SNTB2: variants seen among roughly 807,000 people sequenced by gnomAD.
The protein encoded by SNTB2 is beta-2-syntrophin.
Under a neutral mutation model 46.2 loss-of-function variants are expected in SNTB2, and 34 were observed. That is an observed-to-expected ratio of 0.74 (90% CI 0.56 to 0.98). The LOEUF is 0.98. SNTB2 is among the 50% of genes least tolerant of loss of function. SNTB2 has a pLI of 0.00. For synonymous variants in SNTB2, 290 were observed against 312.6 expected, an observed-to-expected ratio of 0.93 and a Z score of 0.76; for missense variants, 603 against 731.4, an observed-to-expected ratio of 0.82 and a Z score of 2.02.
At chr16:69,242,775 A>C (rs576069501) in intron 1 of SNTB2, among the ~76,000 whole-genome samples, 72 of 152,256 alleles carry the variant, frequency 4.7e-4, no homozygotes, top group Admixed American at 1.3e-3. Flanking sequence ...TTATCCCAGC[A>C]CTTTGGGAGG....
chr16:69,273,249 G>A (rs1340687388), intron 4 of SNTB2, among the ~76,000 whole-genome samples: 3 of 152,096 alleles, frequency 2.0e-5, no homozygotes, highest in South Asian at 4.1e-4. Context: ...TAAGAGTAAC[G>A]AAAACTTATG....
intron 2 of SNTB2, among the ~76,000 whole-genome samples, chr16:69,253,898 A>T (rs1187434654): frequency 6.6e-6 from 1 of 152,292 alleles, no homozygotes; most frequent in East Asian, 1.9e-4. Flanking sequence ...GAATTGTATG[A>T]TGTGTAAAGA....
At chr16:69,232,500 GC>G (rs1964516592) in intron 1 of SNTB2, among the ~76,000 whole-genome samples, 1 of 114,418 alleles carries the variant, frequency 8.7e-6, no homozygotes, top group Non-Finnish European at 1.8e-5. Flanking sequence ...CCACGGTGCG[GC>G]CTTTTTTTTT....
intron 1 of SNTB2, among the ~76,000 whole-genome samples, chr16:69,193,128 T>G (rs946028093): frequency 6.6e-6 from 1 of 151,964 alleles, no homozygotes; most frequent in African/African-American, 2.4e-5. Context: ...TGGTTGGTCA[T>G]TCCTGTAATC....
chr16:69,284,965 C>T (rs554657602), intron 5 of SNTB2, among the ~76,000 whole-genome samples: 14 of 152,208 alleles, frequency 9.2e-5, no homozygotes, highest in South Asian at 8.3e-4. Context: ...CAGTATTCAG[C>T]GCAGTAACAT....
At chr16:69,213,451 GA>G (rs1240283862) in intron 1 of SNTB2, among the ~76,000 whole-genome samples, 1 of 151,662 alleles carries the variant, frequency 6.6e-6, no homozygotes, top group Non-Finnish European at 1.5e-5. Flanking sequence ...TATATACTTT[GA>G]AAAAATTTTT....
intron 2 of SNTB2, among the ~76,000 whole-genome samples, chr16:69,249,449 GGAA>G: frequency 6.6e-6 from 1 of 152,314 alleles, no homozygotes; most frequent in South Asian, 2.1e-4. Context: ...AAAGAAGGAA[GGAA>G]GAAGATGATA....
intron 1 of SNTB2, among the ~76,000 whole-genome samples, chr16:69,225,790 C>T (rs996234259): frequency 8.5e-5 from 13 of 152,234 alleles, no homozygotes; most frequent in South Asian, 8.3e-4. Context: ...GTTTTGGAGA[C>T]GGAGTCTCAC....
intron 1 of SNTB2, among the ~76,000 whole-genome samples, chr16:69,192,713 G>A (rs932798911): frequency 2.0e-5 from 3 of 152,074 alleles, no homozygotes; most frequent in Non-Finnish European, 4.4e-5. Context: ...TCTTTCTGAG[G>A]AAAATGCACT....
At chr16:69,206,059 C>T (rs1440580197) in intron 1 of SNTB2, among the ~76,000 whole-genome samples, 2 of 152,120 alleles carry the variant, frequency 1.3e-5, no homozygotes, top group African/African-American at 2.4e-5. Context: ...TGCAGTGGTG[C>T]GATCATAGCT....
At chr16:69,249,988 A>C (rs1450444097) in intron 2 of SNTB2, among the ~76,000 whole-genome samples, 1 of 152,080 alleles carries the variant, frequency 6.6e-6, no homozygotes. Flanking sequence ...AATCCCAGCT[A>C]TTCGGGAGGC....
intron 3 of SNTB2, among the ~76,000 whole-genome samples, chr16:69,269,844 A>G (rs1964921876): frequency 6.6e-6 from 1 of 152,198 alleles, no homozygotes; most frequent in Non-Finnish European, 1.5e-5. Context: ...TGGGAAGCCA[A>G]GTGAGACCCT....
At chr16:69,253,947 A>G (rs982709351) in intron 2 of SNTB2, among the ~76,000 whole-genome samples, 1 of 152,168 alleles carries the variant, frequency 6.6e-6, no homozygotes, top group African/African-American at 2.4e-5. Context: ...GAGAAGGATG[A>G]ACTGATTCCT....
At chr16:69,225,386 A>C (rs1025521450) in intron 1 of SNTB2, among the ~76,000 whole-genome samples, 5 of 152,272 alleles carry the variant, frequency 3.3e-5, no homozygotes, top group Non-Finnish European at 5.9e-5. Flanking sequence ...CCACTTAGCA[A>C]CAAAAATACG....
chr16:69,281,907 T>C (rs1478008750), intron 4 of SNTB2, among the ~76,000 whole-genome samples: 16 of 143,118 alleles, frequency 1.1e-4, no homozygotes, highest in South Asian at 6.6e-4. Context: ...GTTTCTCTCT[T>C]TTTTTTTTTT....
At chr16:69,298,468 A>G (rs1002828380) in intron 5 of SNTB2, among the ~76,000 whole-genome samples, 1 of 145,982 alleles carries the variant, frequency 6.9e-6, no homozygotes, top group Non-Finnish European at 1.5e-5. Flanking sequence ...TGCCCAGTTC[A>G]GTCCTTCTGC....
At chr16:69,243,903 A>G (rs1020373827) in intron 1 of SNTB2, among the ~76,000 whole-genome samples, 16 of 152,176 alleles carry the variant, frequency 1.1e-4, no homozygotes, top group African/African-American at 3.9e-4. Flanking sequence ...TTATTATTAT[A>G]CTTAATTTCA....
chr16:69,283,910 A>T (rs187383495), intron 4 of SNTB2, 138 bp from the exon 5 acceptor site: 1 of 724,436 alleles, frequency 1.4e-6, no homozygotes, highest in African/African-American at 1.8e-5. Flanking sequence ...TTCAGAGACT[A>T]TAATCTTGCT....
intron 1 of SNTB2, among the ~76,000 whole-genome samples, chr16:69,197,929 A>G (rs1964120012): frequency 6.6e-6 from 1 of 152,204 alleles, no homozygotes. Context: ...ATAAAAATAC[A>G]TATTTTTTAC....
Sources: allele counts gnomAD v4.1 joint callset (sites outside exome capture counted in the v4.1 genomes callset), GRCh38; gene constraint gnomAD v4.1.1; transcripts MANE v1.5; gene names NCBI Gene and HGNC (gene_info 2026-07-23, HGNC 2026-07-21).